KANK1: variants seen among roughly 807,000 people sequenced by gnomAD.
The protein encoded by KANK1 is KN motif and ankyrin repeat domain-containing protein 1.
In KANK1, 109 loss-of-function variants were observed where a neutral mutation model predicts 106.2. The observed-to-expected ratio is 1.03, with a 90% CI of 0.88 to 1.20. KANK1 has a LOEUF of 1.20. KANK1 is among the 50% of genes most tolerant of loss of function. KANK1 has a pLI of 0.00. For synonymous variants in KANK1, 873 were observed against 652.2 expected, an observed-to-expected ratio of 1.34 and a Z score of -5.16; for missense variants, 2,399 against 1,710.7, an observed-to-expected ratio of 1.40 and a Z score of -7.10.
intron 3 of KANK1, among the ~76,000 whole-genome samples, chr9:719,263 G>A (rs1056906930): frequency 2.0e-5 from 3 of 152,018 alleles, no homozygotes; most frequent in Admixed American, 6.6e-5. Context: ...CAGCGCGCCC[G>A]GCCTCAAGCC....
intron 1 of KANK1, among the ~76,000 whole-genome samples, chr9:634,414 G>C (rs1046969919): frequency 2.0e-5 from 3 of 152,182 alleles, no homozygotes. Context: ...AGTCTGACAA[G>C]CATCTCAAAA....
chr9:721,209 A>G (rs921651812), intron 3 of KANK1, among the ~76,000 whole-genome samples: 14 of 152,174 alleles, frequency 9.2e-5, no homozygotes, highest in Non-Finnish European at 1.3e-4. Flanking sequence ...TGTCCTTTAC[A>G]GGGTTCCTAA....
At chr9:586,194 G>C (rs1823419951) in intron 1 of KANK1, among the ~76,000 whole-genome samples, 1 of 152,230 alleles carries the variant, frequency 6.6e-6, no homozygotes, top group Non-Finnish European at 1.5e-5. Context: ...GTTTGGCAGA[G>C]TGGCTGGACC....
intron 2 of KANK1, among the ~76,000 whole-genome samples, chr9:471,854 T>C (rs1484819247): frequency 1.3e-5 from 2 of 152,168 alleles, no homozygotes; most frequent in Admixed American, 6.5e-5. Flanking sequence ...AGCGTTCTCC[T>C]GTACTGCCAT....
chr9:528,469 CTTTTTTTTTTTTTTTTTT>C (rs36072780), intron 1 of KANK1, among the ~76,000 whole-genome samples: 5 of 85,082 alleles, frequency 5.9e-5, no homozygotes, highest in Admixed American at 2.6e-4. Context: ...TAAAAAATAA[CTTTTTTTTTTTTTTTTTT>C]TTTTTTTTTT....
chr9:559,345 T>C (rs1195717629), intron 1 of KANK1, among the ~76,000 whole-genome samples: 2 of 152,200 alleles, frequency 1.3e-5, no homozygotes, highest in African/African-American at 4.8e-5. Context: ...CTTGTGATTT[T>C]CATTTTTTCC....
chr9:532,364 C>CTTTTTTT (rs1187078952), intron 1 of KANK1, among the ~76,000 whole-genome samples: 1 of 81,850 alleles, frequency 1.2e-5, no homozygotes, highest in Non-Finnish European at 2.2e-5. Flanking sequence ...GCCTCAAGCA[C>CTTTTTTT]TTTTTTTTTT....
intron 1 of KANK1, among the ~76,000 whole-genome samples, chr9:597,724 C>T (rs575755831): frequency 6.6e-6 from 1 of 151,372 alleles, no homozygotes; most frequent in African/African-American, 2.4e-5. Context: ...AGTACAGTGG[C>T]AAGATCTTGG....
chr9:735,333 G>A (rs144130869), intron 7 of KANK1, among the ~76,000 whole-genome samples: 118 of 152,208 alleles, frequency 7.8e-4, no homozygotes, highest in African/African-American at 1.2e-3. Flanking sequence ...AAAAATAACC[G>A]CACTTGTCAT....
intron 2 of KANK1, among the ~76,000 whole-genome samples, chr9:695,369 G>T (rs192566050): frequency 1.3e-5 from 2 of 152,084 alleles, no homozygotes; most frequent in Admixed American, 1.3e-4. Context: ...AAAAGTTGGG[G>T]GGTGTTTGTC....
intron 1 of KANK1, among the ~76,000 whole-genome samples, chr9:608,327 T>A (rs79472965): frequency 3.3e-5 from 5 of 151,864 alleles, no homozygotes; most frequent in Non-Finnish European, 7.3e-5. Context: ...GTGAAAACTT[T>A]CAGAATTATA....
intron 2 of KANK1, among the ~76,000 whole-genome samples, chr9:702,148 A>G (rs190623474): frequency 1.9e-4 from 29 of 152,286 alleles, no homozygotes; most frequent in African/African-American, 6.0e-4. Context: ...GGTTACCCCA[A>G]ATTGCAGAGT....
chr9:647,896 A>G (rs1287174061), intron 1 of KANK1, among the ~76,000 whole-genome samples: 1 of 150,570 alleles, frequency 6.6e-6, no homozygotes, highest in African/African-American at 2.5e-5. Flanking sequence ...GTAGAACACT[A>G]AAGGACCCGG....
chr9:741,290 A>G (rs981189179), intron 9 of KANK1, among the ~76,000 whole-genome samples: 25 of 151,134 alleles, frequency 1.7e-4, no homozygotes, highest in Admixed American at 2.0e-4. Flanking sequence ...TTCATAGCAA[A>G]CAGTGTCCCA....
intron 2 of KANK1, among the ~76,000 whole-genome samples, chr9:700,829 C>T (rs142431695): frequency 3.0e-4 from 45 of 152,220 alleles, no homozygotes; most frequent in Non-Finnish European, 5.3e-4. Context: ...TTCACAGCAC[C>T]GTCAGTCAGT....
chr9:483,155 A>G lies in KANK1; in HGVS notation c.-362+9882A>G, dbSNP rs2058235426. Among the ~76,000 whole-genome samples the G allele has an allele frequency of 3.9e-5, 6 of 152,184 alleles. No homozygotes were observed. In the South Asian group the frequency reaches 1.2e-3, roughly 31 times the overall value. On this transcript the variant is annotated intron_variant, in intron 3 of 15. Transcript: ENST00000382303. ...GTACCAAATTTATAAGTGAAACTTT[A>G]TCATAGATATGTATGTATAGGAAAA...
intron 1 of KANK1, among the ~76,000 whole-genome samples, chr9:509,907 C>G (rs540148741): frequency 7.9e-5 from 12 of 152,268 alleles, no homozygotes; most frequent in African/African-American, 2.9e-4. Flanking sequence ...AGCAATCCTC[C>G]CGCCTCAGCC....
chr9:518,938 T>C (rs1174275265), intron 1 of KANK1, among the ~76,000 whole-genome samples: 1 of 151,548 alleles, frequency 6.6e-6, no homozygotes, highest in Non-Finnish European at 1.5e-5. Context: ...TTGCCCAGGC[T>C]GGAGTGCAAT....
At position 661,995 on chromosome 9, in the gene KANK1, G is replaced by A. The variant is rs148032868; in HGVS notation, c.-83-14895G>A. ...TTGTTTGATTTTTTCTTGTAAATTTGTTTAAGTTCTTTGTAGAATCTGGAT... is the reference window on the plus strand; with the variant it reads ...TTGTTTGATTTTTTCTTGTAAATTTATTTAAGTTCTTTGTAGAATCTGGAT... On this transcript the variant is annotated intron_variant, in intron 1 of 11. Transcript: ENST00000382297. Among the ~76,000 whole-genome samples the A allele has an allele frequency of 3.3e-5, 5 of 152,218 alleles. No homozygotes were observed. In the East Asian group the frequency reaches 9.6e-4, roughly 29 times the overall value.
Sources: gnomAD v4.1 joint callset for allele counts (sites outside exome capture counted in the v4.1 genomes callset) on GRCh38, gnomAD v4.1.1 for gene constraint, MANE v1.5 for transcripts, NCBI Gene and HGNC (gene_info 2026-07-23, HGNC 2026-07-21) for gene names.